The following DOCK3 variants were observed in gnomAD, a reference collection of about 807,000 sequenced individuals.
DOCK3 encodes dedicator of cytokinesis 3.
In DOCK3, 60 loss-of-function variants were observed where a neutral mutation model predicts 265.6. The ratio of observed to expected loss-of-function variants is 0.23; its 90% CI spans 0.18 to 0.28. DOCK3 has a LOEUF of 0.28. Ranked by LOEUF, DOCK3 falls within the 10% of genes least tolerant of loss-of-function variation. DOCK3 has a pLI of 1.00. For missense variants in DOCK3, 1,981 were observed against 2,594.3 expected (o/e 0.76, Z 5.14); for synonymous variants, 881 against 938.0 (o/e 0.94, Z 1.11).
Position 50,961,658 on chromosome 3 carries a change from G to A in DOCK3, c.315+27581G>A, listed in dbSNP as rs557979483. 2.0e-5 allele frequency among the ~76,000 whole-genome samples: 3 copies of A among 152,216 alleles called. No individual in the cohort carries two copies. In the South Asian group the frequency reaches 6.2e-4, roughly 32 times the overall value. On this transcript the variant is annotated intron_variant, in intron 5 of 52. Coordinates refer to ENST00000266037, the MANE Select transcript of DOCK3 (RefSeq NM_004947.5). ...GAGAAGGTGGTAAATGAGATAAGAG[G>A]ACTTTAATTAGACTTTTGAACCTTA...
At chr3:51,267,235 T>C (rs1402553763) in intron 23 of DOCK3, among the ~76,000 whole-genome samples, 4 of 152,178 alleles carry the variant, frequency 2.6e-5, no homozygotes, top group Non-Finnish European at 5.9e-5. Context: ...GTAAATTAGT[T>C]CAACCATTGT....
chr3:50,748,638 G>A (rs1559588246), intron 1 of DOCK3, among the ~76,000 whole-genome samples: 1 of 152,138 alleles, frequency 6.6e-6, no homozygotes, highest in Non-Finnish European at 1.5e-5. Flanking sequence ...GGGACAAGTT[G>A]GTACTTTTAG....
intron 5 of DOCK3, among the ~76,000 whole-genome samples, chr3:51,008,146 T>C (rs959880612): frequency 3.9e-5 from 6 of 152,212 alleles, no homozygotes; most frequent in Admixed American, 3.3e-4. Flanking sequence ...TAGTTTTTTT[T>C]CCAATTCTGT....
chr3:50,819,991 C>T (rs1164274094), intron 2 of DOCK3, among the ~76,000 whole-genome samples: 1 of 151,918 alleles, frequency 6.6e-6, no homozygotes, highest in Non-Finnish European at 1.5e-5. Context: ...ACAAAAAATG[C>T]CATGGCAACA....
chr3:50,973,701 G>A (rs2077332391), intron 5 of DOCK3, among the ~76,000 whole-genome samples: 1 of 92,260 alleles, frequency 1.1e-5, no homozygotes, highest in Non-Finnish European at 2.1e-5. Flanking sequence ...CTAGATCCCT[G>A]AGGAATCGCC....
chr3:51,208,512 T>G (rs1402268362), intron 12 of DOCK3, among the ~76,000 whole-genome samples: 1 of 152,220 alleles, frequency 6.6e-6, no homozygotes, highest in Non-Finnish European at 1.5e-5. Flanking sequence ...CAACTTTTCA[T>G]GTGGGATAGT....
At chr3:51,366,482 A>G (rs1053676409) in intron 49 of DOCK3, among the ~76,000 whole-genome samples, 10 of 151,726 alleles carry the variant, frequency 6.6e-5, no homozygotes, top group African/African-American at 1.4e-4. Context: ...TTGTATCTCT[A>G]TCTCCTTCAG....
At chr3:50,725,499 C>G (rs780414240) in intron 1 of DOCK3, among the ~76,000 whole-genome samples, 4 of 152,156 alleles carry the variant, frequency 2.6e-5, no homozygotes, top group Admixed American at 6.5e-5. Flanking sequence ...TCTACTGATA[C>G]AGTGATTAAA....
rs867718947 is a variant in DOCK3, at chr3:50,907,450, A to G, written c.218+17369A>G. Among the ~76,000 whole-genome samples the G allele has an allele frequency of 9.2e-5, 14 of 152,252 alleles. No individual in the cohort carries two copies. The South Asian group carries it at 1.5e-3, about 16-fold the overall frequency. On this transcript the variant is annotated intron_variant, in intron 4 of 52. Coordinates refer to ENST00000266037, the MANE Select transcript of DOCK3 (RefSeq NM_004947.5). ...ATCTGGTTGCTCCTGTATTGGGTGC[A>G]TATATGCTTAGGACAGTTAGCTCTT...
intron 9 of DOCK3, among the ~76,000 whole-genome samples, chr3:51,091,217 A>G (rs1179163726): frequency 1.3e-5 from 2 of 152,182 alleles, no homozygotes; most frequent in African/African-American, 2.4e-5. Context: ...GCATGTAGGC[A>G]AGACTACAGG....
chr3:50,725,656 A>G (rs534066462), intron 1 of DOCK3, among the ~76,000 whole-genome samples: 1 of 152,170 alleles, frequency 6.6e-6, no homozygotes, highest in East Asian at 1.9e-4. Context: ...ACCGTCTCCC[A>G]TTCTTGGTGG....
intron 9 of DOCK3, among the ~76,000 whole-genome samples, chr3:51,095,850 G>T (rs1327014942): frequency 1.5e-3 from 1 of 660 alleles, no homozygotes; most frequent in Non-Finnish European, 2.6e-3. Flanking sequence ...AATAAGGTTA[G>T]CAAAAAAAAA....
chr3:51,044,971 A>G (rs761495901), intron 5 of DOCK3, among the ~76,000 whole-genome samples: 16 of 152,206 alleles, frequency 1.1e-4, no homozygotes, highest in African/African-American at 3.6e-4. Context: ...AATTTTTTTT[A>G]TATTAGTAAT....
Position 51,362,637 on chromosome 3 carries a change from A to G in DOCK3, c.5256A>G (p.Pro1752=). Reference sequence around the variant, plus strand: ...GCCTGAGTTCCACTCACTCAGCACCATCCCAGATGATTACCTCTGCCCCTT... The same window carrying G: ...GCCTGAGTTCCACTCACTCAGCACCGTCCCAGATGATTACCTCTGCCCCTT... The part of the protein sequence containing the change: ...SSSLSSTHSA[P]SQMITSAPSS... Residue 1752 remains proline (P), a synonymous_variant, in exon 49 of 53, where the codon CCA becomes CCG. Transcript: ENST00000266037. The G allele has an allele frequency of 6.2e-7, 1 of 1,613,856 alleles. No individual in the cohort carries two copies. Among genetic ancestry groups the G allele is most frequent in the Non-Finnish European group, 8.5e-7 (1 of 1,179,840 alleles).
chr3:50,810,709 A>G (rs1293123492), intron 2 of DOCK3, among the ~76,000 whole-genome samples: 4 of 151,110 alleles, frequency 2.6e-5, no homozygotes. Flanking sequence ...ATTAAATAAA[A>G]GAGCCCAAAT....
intron 9 of DOCK3, among the ~76,000 whole-genome samples, chr3:51,122,967 C>G (rs73833986): frequency 3.3e-5 from 5 of 152,214 alleles, no homozygotes; most frequent in African/African-American, 1.2e-4. Flanking sequence ...AAACCTGTCT[C>G]AAGCCCAGAT....
At chr3:51,161,885 A>G (rs1335055647) in intron 12 of DOCK3, among the ~76,000 whole-genome samples, 1 of 152,228 alleles carries the variant, frequency 6.6e-6, no homozygotes, top group Non-Finnish European at 1.5e-5. Context: ...CAGGCATGGC[A>G]TTATTTTTAG....
At chr3:51,117,771 G>T (rs2083805041) in intron 9 of DOCK3, among the ~76,000 whole-genome samples, 1 of 152,142 alleles carries the variant, frequency 6.6e-6, no homozygotes, top group Non-Finnish European at 1.5e-5. Context: ...AGTATTCTCT[G>T]ATAGTAGTTT....
At chr3:51,090,602 A>G (rs1274802809) in intron 9 of DOCK3, among the ~76,000 whole-genome samples, 2 of 152,226 alleles carry the variant, frequency 1.3e-5, no homozygotes, top group African/African-American at 2.4e-5. Context: ...TTTTCCACAT[A>G]GAAGCTCAAA....
Sources: allele counts gnomAD v4.1 joint callset (sites outside exome capture counted in the v4.1 genomes callset), GRCh38; gene constraint gnomAD v4.1.1; transcripts MANE v1.5; gene names NCBI Gene and HGNC (gene_info 2026-07-23, HGNC 2026-07-21).